The following LNPEP variants were observed in gnomAD, a reference collection of about 807,000 sequenced individuals.
LNPEP encodes leucyl and cystinyl aminopeptidase.
Under a neutral mutation model 120.6 loss-of-function variants are expected in LNPEP, and 64 were observed. The ratio of observed to expected loss-of-function variants is 0.53; its 90% confidence interval spans 0.43 to 0.65. LNPEP has a LOEUF of 0.65. Ranked by LOEUF, LNPEP falls within the 30% of genes least tolerant of loss-of-function variation. The probability of loss-of-function intolerance (pLI) is 0.00; values close to 1 mark genes in which losing one functional copy is unlikely to be tolerated. For synonymous variants in LNPEP, 435 were observed against 425.4 expected, an observed-to-expected ratio of 1.02 and a Z score of -0.28; for missense variants, 1,057 against 1,200.0, an observed-to-expected ratio of 0.88 and a Z score of 1.76.
At chr5:96,989,497 T>C (rs1444560585) in intron 4 of LNPEP, among the ~76,000 whole-genome samples, 1 of 148,506 alleles carries the variant, frequency 6.7e-6, no homozygotes, top group Non-Finnish European at 1.5e-5. Flanking sequence ...TATTGCTCAG[T>C]GTTAACCTTC....
chr5:97,014,917 T>C (rs780882212), intron 12 of LNPEP, 22 bp from the exon 13 acceptor site: 1 of 1,484,920 alleles, frequency 6.7e-7, no homozygotes, highest in South Asian at 1.5e-5. Context: ...ATATTTACTT[T>C]TCCTGTTCTT....
intron 8 of LNPEP, among the ~76,000 whole-genome samples, chr5:96,998,384 T>C (rs1479609585): frequency 6.6e-6 from 1 of 152,180 alleles, no homozygotes; most frequent in East Asian, 1.9e-4. Context: ...AACCAGATCT[T>C]ATAGCGATGC....
At chr5:96,987,755 CTT>C (rs1035189814) in intron 4 of LNPEP, among the ~76,000 whole-genome samples, 1 of 152,172 alleles carries the variant, frequency 6.6e-6, no homozygotes, top group Non-Finnish European at 1.5e-5. Flanking sequence ...GATTGAAAGA[CTT>C]TATGTCAAGG....
chr5:97,008,514 C>A (rs1380906687), intron 11 of LNPEP, among the ~76,000 whole-genome samples: 1 of 150,582 alleles, frequency 6.6e-6, no homozygotes, highest in Non-Finnish European at 1.5e-5. Flanking sequence ...CCATGCTTGG[C>A]TTAATTTTTG....
rs1791538990 is a variant in LNPEP at position 97,034,693 on chromosome 5, G to C, written c.*6160G>C. On this transcript the variant is annotated 3_prime_UTR_variant, in exon 18 of 18. Coordinates refer to ENST00000231368, the MANE Select transcript of LNPEP (RefSeq NM_005575.3). ...GAGGGTTTTAATGAGGAGTGGGATT[G>C]TTGAGAGGAAAAGGCAAGATATATA... The C allele has an allele frequency of 6.6e-6, 1 of 151,996 alleles. No homozygotes were observed. The highest frequency in any genetic ancestry group is 1.5e-5 in the Non-Finnish European group (1 of 67,974). The allele number at this position is 151,996 out of a possible 1,614,324, so 9.4% of individuals were successfully genotyped here. A position where few individuals can be genotyped will look rare whatever the true frequency, so the allele number is the denominator to read the frequency against.
intron 8 of LNPEP, among the ~76,000 whole-genome samples, chr5:97,002,618 G>A (rs1790683027): frequency 6.6e-6 from 1 of 152,136 alleles, no homozygotes; most frequent in African/African-American, 2.4e-5. Flanking sequence ...CTATGTAGTG[G>A]GCATTGTTTT....
chr5:96,954,770 A>ATTTTTTTTT (rs1789417391), intron 1 of LNPEP, among the ~76,000 whole-genome samples: 6 of 29,486 alleles, frequency 2.0e-4, no homozygotes, highest in Admixed American at 5.3e-4. Flanking sequence ...ATATATATAT[A>ATTTTTTTTT]TATTTTTTTT....
At chr5:97,007,657 G>C (rs182217430) in intron 11 of LNPEP, among the ~76,000 whole-genome samples, 1 of 152,068 alleles carries the variant, frequency 6.6e-6, no homozygotes, top group African/African-American at 2.4e-5. Flanking sequence ...TTTGTACTTA[G>C]TCAAAATCAT....
rs1224292259 is a variant in LNPEP at position 97,029,144 on chromosome 5, T to C, written c.*611T>C. 1 of 152,380 alleles carries C rather than the reference T, an allele frequency of 6.6e-6. No homozygotes were observed. Among genetic ancestry groups the C allele is most frequent in the Non-Finnish European group, 1.5e-5 (1 of 68,038 alleles). The allele number at this position is 152,380 out of a possible 1,614,324, so 9.4% of individuals were successfully genotyped here. On this transcript the variant is annotated 3_prime_UTR_variant, in exon 18 of 18. Transcript: ENST00000231368. ...ACTATTGTGTTTTTTTCCTGCCGAA[T>C]AGCCAGGTGCTACAGATTTTTAAAA...
intron 1 of LNPEP, among the ~76,000 whole-genome samples, chr5:96,958,108 A>G (rs531827681): frequency 6.6e-6 from 1 of 152,366 alleles, no homozygotes; most frequent in South Asian, 2.1e-4. Flanking sequence ...GGCAAAGTAG[A>G]GAAAGGAAAT....
At chr5:97,023,355 T>C (rs1001998754) in intron 14 of LNPEP, among the ~76,000 whole-genome samples, 3 of 152,024 alleles carry the variant, frequency 2.0e-5, no homozygotes, top group Non-Finnish European at 2.9e-5. Context: ...TCGGGTTCCA[T>C]TGATTCTCCT....
At chr5:96,985,323 T>C in intron 3 of LNPEP, 105 bp downstream of exon 3, 1 of 852,608 alleles carries the variant, frequency 1.2e-6, no homozygotes, top group South Asian at 2.5e-5. Flanking sequence ...ATTAAAATCA[T>C]ATACATTAAT....
intron 1 of LNPEP, among the ~76,000 whole-genome samples, chr5:96,954,147 C>T (rs1198967482): frequency 6.6e-6 from 1 of 152,170 alleles, no homozygotes; most frequent in African/African-American, 2.4e-5. Context: ...TTGAAGTTAT[C>T]AATAACAACC....
rs890475411 is a variant in LNPEP, at chr5:96,985,114, G to A, written c.895G>A (p.Ala299Thr). 4 of 1,613,986 alleles carry A rather than the reference G, an allele frequency of 2.5e-6. No homozygotes were observed. Among genetic ancestry groups the A allele is most frequent in the Non-Finnish European group, 3.4e-6 (4 of 1,179,890 alleles). ...AGCAACTCAGTTTGAACCCCTGGCAGCAAGATCTGCTTTTCCTTGTTTTGA... is the reference window on the plus strand; with the variant it reads ...AGCAACTCAGTTTGAACCCCTGGCAACAAGATCTGCTTTTCCTTGTTTTGA... ...FAATQFEPLA[A>T]RSAFPCFDEP... The change falls in exon 3 of 18, where the codon GCA becomes ACA. Residue 299 changes from alanine to threonine, a missense_variant. By Grantham distance (58) the Ala-to-Thr change is moderately conservative. Coordinates refer to ENST00000231368, the MANE Select transcript of LNPEP (RefSeq NM_005575.3).
intron 1 of LNPEP, among the ~76,000 whole-genome samples, chr5:96,961,670 A>G (rs1191842571): frequency 6.6e-6 from 1 of 152,168 alleles, no homozygotes; most frequent in Non-Finnish European, 1.5e-5. Context: ...ATCCACCAAT[A>G]TTCAATCCCT....
At chr5:96,967,226 C>T (rs1789748400) in intron 1 of LNPEP, among the ~76,000 whole-genome samples, 1 of 152,066 alleles carries the variant, frequency 6.6e-6, no homozygotes, top group Non-Finnish European at 1.5e-5. Flanking sequence ...TCTCTAAAGG[C>T]CATGTTCATG....
chr5:96,991,371 G>A (rs1344298331), intron 4 of LNPEP, among the ~76,000 whole-genome samples: 1 of 152,116 alleles, frequency 6.6e-6, no homozygotes, highest in Non-Finnish European at 1.5e-5. Flanking sequence ...AGTTCTTGAA[G>A]GAATCTCCAC....
chr5:96,988,339 C>CTTTTTTTTTTTTTTTTTTT (rs201343272), intron 4 of LNPEP, among the ~76,000 whole-genome samples: 1 of 125,202 alleles, frequency 8.0e-6, no homozygotes, highest in Non-Finnish European at 1.6e-5. Flanking sequence ...TTTTTCTTTT[C>CTTTTTTTTTTTTTTTTTTT]TTTTTTTTTT....
At chr5:96,994,028 G>A (rs1207996629) in intron 6 of LNPEP, 57 bp downstream of exon 6, 8 of 1,405,156 alleles carry the variant, frequency 5.7e-6, no homozygotes, top group Non-Finnish European at 7.8e-6. Flanking sequence ...ATGTCCTGGA[G>A]TTATTGTTAG....
Sources: gnomAD v4.1 joint callset for allele counts (sites outside exome capture counted in the v4.1 genomes callset) on GRCh38, gnomAD v4.1.1 for gene constraint, MANE v1.5 for transcripts, NCBI Gene and HGNC (gene_info 2026-07-23, HGNC 2026-07-21) for gene names.